The following SLC4A10 variants were observed in gnomAD, a reference collection of about 807,000 sequenced individuals.
The protein encoded by SLC4A10 is solute carrier family 4 member 10.
In SLC4A10, 42 loss-of-function variants were observed where a neutral mutation model predicts 137.7. The observed-to-expected ratio is 0.30, with a 90% CI of 0.24 to 0.39. SLC4A10 has a LOEUF of 0.39. SLC4A10 is among the 10% of genes least tolerant of loss of function. The pLI, the probability that SLC4A10 is intolerant of heterozygous loss-of-function variation, is 1.00. For synonymous variants in SLC4A10, 474 were observed against 464.1 expected, an observed-to-expected ratio of 1.02 and a Z score of -0.27; for missense variants, 925 against 1,355.0, an observed-to-expected ratio of 0.68 and a Z score of 4.98.
At chr2:161,918,265 C>T (rs1687485902) in intron 15 of SLC4A10, among the ~76,000 whole-genome samples, 2 of 152,130 alleles carry the variant, frequency 1.3e-5, no homozygotes, top group Admixed American at 6.5e-5. Flanking sequence ...AAGTGATTCT[C>T]CTGTCTTAGT....
intron 15 of SLC4A10, among the ~76,000 whole-genome samples, chr2:161,910,946 A>G (rs947347731): frequency 1.3e-5 from 2 of 152,036 alleles, no homozygotes; most frequent in African/African-American, 4.8e-5. Flanking sequence ...TAGTCCCAGC[A>G]TAATATTGTA....
chr2:161,958,349 G>A, intron 20 of SLC4A10, 138 bp from the exon 21 acceptor site: 1 of 650,776 alleles, frequency 1.5e-6, no homozygotes, highest in Non-Finnish European at 2.6e-6. Context: ...GCTGGAACTT[G>A]AATCCTTGTC....
intron 2 of SLC4A10, among the ~76,000 whole-genome samples, chr2:161,788,554 G>C (rs189940141): frequency 6.6e-6 from 1 of 151,992 alleles, no homozygotes; most frequent in Non-Finnish European, 1.5e-5. Context: ...AATGTGATCC[G>C]TTTTCCTATC....
At chr2:161,848,568 T>G (rs1037460318) in intron 4 of SLC4A10, among the ~76,000 whole-genome samples, 6 of 152,056 alleles carry the variant, frequency 3.9e-5, no homozygotes, top group African/African-American at 1.2e-4. Context: ...TATGGTGAAA[T>G]GTAGGGGTCC....
At chr2:161,782,858 C>T (rs1031314510) in intron 2 of SLC4A10, among the ~76,000 whole-genome samples, 3 of 150,036 alleles carry the variant, frequency 2.0e-5, no homozygotes, top group Admixed American at 6.7e-5. Context: ...TTACGAGACA[C>T]CATCAAGTGG....
rs113950913 is a variant in SLC4A10 at position 161,808,223 on chromosome 2, T to G, written c.277+3628T>G. Among the ~76,000 whole-genome samples the G allele has an allele frequency of 9.6e-4, 146 of 152,310 alleles. 2 individuals carry two copies. The highest frequency in any genetic ancestry group is 3.3e-3 in the African/African-American group (137 of 41,582). On this transcript the variant is annotated intron_variant, in intron 3 of 26. Transcript: ENST00000446997. Reference sequence around the variant, plus strand: ...TCTCCCACTTATTTAAATTCTTTCTTCAAATATTCATTAAGCATATTCCTT... The same window carrying G: ...TCTCCCACTTATTTAAATTCTTTCTGCAAATATTCATTAAGCATATTCCTT...
At chr2:161,806,040 C>T (rs1178401997) in intron 3 of SLC4A10, among the ~76,000 whole-genome samples, 1 of 152,198 alleles carries the variant, frequency 6.6e-6, no homozygotes, top group Non-Finnish European at 1.5e-5. Flanking sequence ...GGTTCCTAAA[C>T]CCCAATTCTT....
chr2:161,627,512 A>G (rs2032655714), intron 1 of SLC4A10, among the ~76,000 whole-genome samples: 1 of 152,120 alleles, frequency 6.6e-6, no homozygotes, highest in African/African-American at 2.4e-5. Flanking sequence ...ATCCTGACTC[A>G]AGTGAAATGG....
intron 1 of SLC4A10, among the ~76,000 whole-genome samples, chr2:161,713,824 CT>C (rs921918820): frequency 4.6e-5 from 7 of 151,832 alleles, no homozygotes; most frequent in Non-Finnish European, 1.0e-4. Flanking sequence ...CCTTCTTCTA[CT>C]CCATACACCA....
intron 4 of SLC4A10, among the ~76,000 whole-genome samples, chr2:161,852,808 C>G (rs543346209): frequency 6.6e-6 from 1 of 152,244 alleles, no homozygotes; most frequent in African/African-American, 2.4e-5. Flanking sequence ...GACAAGGTCA[C>G]TGGCTAGGTG....
At chr2:161,874,131 T>C (rs2061323294) in intron 8 of SLC4A10, 126 bp downstream of exon 8, 1 of 974,286 alleles carries the variant, frequency 1.0e-6, no homozygotes, top group African/African-American at 1.6e-5. Flanking sequence ...ACTATCTTTT[T>C]AAAGCATTGC....
intron 19 of SLC4A10, among the ~76,000 whole-genome samples, chr2:161,954,800 A>G (rs972306632): frequency 1.3e-5 from 2 of 152,184 alleles, no homozygotes; most frequent in Non-Finnish European, 2.9e-5. Context: ...ATTTCCTCTG[A>G]AAGAATTATT....
At chr2:161,907,328 A>G (rs1684678521) in intron 15 of SLC4A10, among the ~76,000 whole-genome samples, 1 of 152,234 alleles carries the variant, frequency 6.6e-6, no homozygotes, top group African/African-American at 2.4e-5. Context: ...AGTTTGATCA[A>G]AACCAGGGAT....
chr2:161,783,809 A>G (rs1004598912), intron 2 of SLC4A10, among the ~76,000 whole-genome samples: 1 of 151,814 alleles, frequency 6.6e-6, no homozygotes, highest in African/African-American at 2.4e-5. Context: ...TCAACAAAAC[A>G]TGAAAAATGA....
chr2:161,967,095 GA>G (rs200713664), intron 23 of SLC4A10, among the ~76,000 whole-genome samples: 9 of 149,740 alleles, frequency 6.0e-5, no homozygotes, highest in African/African-American at 1.5e-4. Flanking sequence ...GATGAGAAAA[GA>G]AAAAAAAAAT....
intron 1 of SLC4A10, among the ~76,000 whole-genome samples, chr2:161,699,624 C>T (rs1344634310): frequency 6.6e-6 from 1 of 151,968 alleles, no homozygotes; most frequent in Non-Finnish European, 1.5e-5. Context: ...AAATGAAAGA[C>T]AAGATTAAGC....
At chr2:161,831,558 T>G (rs1232369725) in intron 3 of SLC4A10, among the ~76,000 whole-genome samples, 1 of 152,160 alleles carries the variant, frequency 6.6e-6, no homozygotes, top group South Asian at 2.1e-4. Context: ...GTAAATGAAT[T>G]TTTTTCTGGC....
At chr2:161,723,996 A>G (rs2125135434) in intron 1 of SLC4A10, among the ~76,000 whole-genome samples, 1 of 152,246 alleles carries the variant, frequency 6.6e-6, no homozygotes, top group South Asian at 2.1e-4. Flanking sequence ...TTCTCTTCAA[A>G]ATGTTTTTGT....
intron 1 of SLC4A10, among the ~76,000 whole-genome samples, chr2:161,657,217 T>G (rs1168753973): frequency 1.3e-5 from 2 of 152,076 alleles, no homozygotes; most frequent in Non-Finnish European, 2.9e-5. Context: ...ACAAGCTTAT[T>G]CTCTGAATTT....
Sources: gnomAD v4.1 joint callset for allele counts (sites outside exome capture counted in the v4.1 genomes callset) on GRCh38, gnomAD v4.1.1 for gene constraint, MANE v1.5 for transcripts, NCBI Gene and HGNC (gene_info 2026-07-23, HGNC 2026-07-21) for gene names.